The following BTN3A1 variants were observed in gnomAD, a reference collection of about 807,000 sequenced individuals.
BTN3A1 encodes dJ45P21.3 (butyrophilin, subfamily 3, member A1).
Under a neutral mutation model 43.0 loss-of-function variants are expected in BTN3A1, and 24 were observed. The ratio of observed to expected loss-of-function variants is 0.56; its 90% confidence interval spans 0.40 to 0.78. The LOEUF (loss-of-function observed/expected upper bound fraction) is 0.78. Ranked by LOEUF, BTN3A1 falls within the 30% of genes least tolerant of loss-of-function variation. The pLI is 0.00. For missense variants in BTN3A1, 533 were observed against 626.2 expected, an observed-to-expected ratio of 0.85 and a Z score of 1.59; for synonymous variants, 181 against 234.7, an observed-to-expected ratio of 0.77 and a Z score of 2.09.
At chr6:26,411,288 T>G (rs564535127) in intron 8 of BTN3A1, among the ~76,000 whole-genome samples, 153 bp downstream of exon 8, 76 of 152,252 alleles carry the variant, frequency 5.0e-4, no homozygotes, top group African/African-American at 1.7e-3. Flanking sequence ...GATTTCTGCT[T>G]TTCTGGAGAA....
rs1303418039 is a variant in BTN3A1 at position 26,413,804 on chromosome 6, T to G, written c.*112T>G. The G allele has an allele frequency of 6.3e-6, 10 of 1,592,940 alleles. No homozygotes were observed. In the South Asian group the frequency reaches 9.9e-5, roughly 16 times the overall value. On this transcript the variant is annotated 3_prime_UTR_variant, in exon 10 of 10. Transcript: ENST00000289361. Reference sequence around the variant, plus strand: ...GGGGAGCCTCAGGCTGAAGTAACTTTTCTCTGCTTCTCCCTGCCCAGCTCA... The same window carrying G: ...GGGGAGCCTCAGGCTGAAGTAACTTGTCTCTGCTTCTCCCTGCCCAGCTCA...
Position 26,405,646 on chromosome 6 carries a change from C to G in BTN3A1, c.83C>G (p.Ser28Ter), listed in dbSNP as rs769935296. The G allele has an allele frequency of 1.2e-6, 2 of 1,614,122 alleles. No individual in the cohort carries two copies. The highest frequency in any genetic ancestry group is 1.7e-6 in the Non-Finnish European group (2 of 1,179,984). Residue 28 changes from serine to a stop codon, truncating the protein, a stop_gained and splice_region_variant, in exon 2 of 10, where the codon TCA (serine) becomes TGA (stop). Transcript: ENST00000289361. LOFTEE classifies it high-confidence loss of function. ...LLLLQLLMPH[S>*]AQFSVLGPSG... Reference sequence around the variant, plus strand: ...TTGCTTCAGCTGCTCATGCCTCACTCAGGTAGGGAACAATTCCACGCTTGT... The same window carrying G: ...TTGCTTCAGCTGCTCATGCCTCACTGAGGTAGGGAACAATTCCACGCTTGT...
rs1297244230 is a variant in BTN3A1, at chr6:26,406,167, A to G, written c.344A>G (p.Asn115Ser). The change falls in exon 3 of 10, where the codon AAC becomes AGC. Residue 115 changes from asparagine (N) to serine (S), a missense_variant. Physicochemically the swap from Asn to Ser is conservative, Grantham distance 46. Coordinates refer to ENST00000289361, the MANE Select transcript of BTN3A1 (RefSeq NM_007048.6). ...TAGKAALRIH[N>S]VTASDSGKYL... is the part of the protein sequence containing the mutation. Reference sequence around the variant, plus strand: ...GGGAAGGCTGCTCTCCGAATACACAACGTCACAGCCTCTGACAGTGGAAAG... The same window carrying G: ...GGGAAGGCTGCTCTCCGAATACACAGCGTCACAGCCTCTGACAGTGGAAAG... The G allele has an allele frequency of 7.4e-6, 11 of 1,494,836 alleles. No homozygotes were observed. The highest frequency in any genetic ancestry group is 1.0e-5 in the Non-Finnish European group (11 of 1,092,528). The allele number at this position is 1,494,836 out of a possible 1,614,324, so 92.6% of individuals were successfully genotyped here.
In BTN3A1 at chr6:26,411,523, C is replaced by A. The variant is rs1211218344; in HGVS notation, c.992-32C>A. ...GTGGGGAAAAGTACAAGAATACTGA[C>A]CTTTTCCTTATCTGTGTCTCCTTCC... On this transcript the variant is annotated intron_variant, in intron 8 of 9. Transcript: ENST00000289361. 1.9e-6 allele frequency: 3 copies of A among 1,608,846 alleles called. No homozygotes were observed. The African/African-American group carries it at 4.0e-5, about 22-fold the overall frequency.
At position 26,408,020 on chromosome 6, in the gene BTN3A1, A is replaced by G. The variant is rs1195353894; in HGVS notation, c.715+68A>G. 10 of 1,586,748 alleles carry G rather than the reference A, an allele frequency of 6.3e-6. No homozygotes were observed. The African/African-American group carries it at 1.3e-4, about 21-fold the overall frequency. ...GCAGTTGAATGAAGGGGGAGGTGTT[A>G]GTGTCTGCAGTCAACCTGGGTCTCT... On this transcript the variant is annotated intron_variant, in intron 4 of 9. Coordinates refer to ENST00000289361, the MANE Select transcript of BTN3A1 (RefSeq NM_007048.6).
chr6:26,409,472 G>A (rs1370139253), intron 4 of BTN3A1, 61 bp from the exon 5 acceptor site: 12 of 1,507,696 alleles, frequency 8.0e-6, no homozygotes, highest in Non-Finnish European at 1.1e-5. Context: ...CACTTGGGGC[G>A]CTGCAGTCTG....
At position 26,406,124 on chromosome 6, in the gene BTN3A1, C is replaced by T. The variant is rs926171888; in HGVS notation, c.301C>T (p.Arg101Trp). ...APYRGRTSIL[R>W]DGITAGKAAL... The stretch of plus-strand genomic sequence containing the variant: ...GTATCGAGGGAGAACTTCGATTCTG[C>T]GGGATGGCATCACTGCAGGGAAGGC... Residue 101 changes from arginine (R) to tryptophan (W), a missense_variant, in exon 3 of 10, where the codon CGG (arginine) becomes TGG (tryptophan). Physicochemically the swap from Arg to Trp is moderately radical, Grantham distance 101. This residue lies in a region of BTN3A1 where 51 missense variants were observed against 90.9 expected (regional missense o/e 0.56). Transcript: ENST00000289361. 2.3e-5 allele frequency: 36 copies of T among 1,569,624 alleles called. 1 individual carries two copies. In the East Asian group the frequency reaches 3.1e-4, roughly 14 times the overall value.
At chr6:26,413,099 T>G in intron 9 of BTN3A1, 70 bp from the exon 10 acceptor site, 1 of 1,555,192 alleles carries the variant, frequency 6.4e-7, no homozygotes, top group Non-Finnish European at 8.7e-7. Flanking sequence ...GGCCCAGGCC[T>G]TGCATGCTGA....
intron 7 of BTN3A1, among the ~76,000 whole-genome samples, chr6:26,410,367 A>G (rs781580754): frequency 5.9e-5 from 9 of 152,156 alleles, no homozygotes; most frequent in Non-Finnish European, 1.3e-4. Flanking sequence ...CCTGCAAAGC[A>G]CTGAGGAATA....
At chr6:26,412,541 G>A (rs1294236857) in intron 9 of BTN3A1, 1 of 1,549,694 alleles carries the variant, frequency 6.5e-7, no homozygotes. Flanking sequence ...AGGGTGGAGA[G>A]TGAATCTAGG....
chr6:26,405,680 C>A (rs753542420), intron 2 of BTN3A1, 32 bp downstream of exon 2: 108 of 1,610,524 alleles, frequency 6.7e-5, no homozygotes, highest in Admixed American at 3.3e-5. Flanking sequence ...GTTTCTGAAG[C>A]AGACAATTAC....
At chr6:26,412,484 C>T (rs1160879890) in intron 9 of BTN3A1, 2 of 1,535,106 alleles carry the variant, frequency 1.3e-6, no homozygotes, top group African/African-American at 1.4e-5. Flanking sequence ...CAGGAATCTG[C>T]CCAGAGGACA....
intron 9 of BTN3A1, chr6:26,412,714 T>C: frequency 1.3e-6 from 2 of 1,551,424 alleles, no homozygotes; most frequent in Non-Finnish European, 1.7e-6. Flanking sequence ...GGTGAGGAAA[T>C]GCTTCAGATG....
chr6:26,405,244 T>G, intron 1 of BTN3A1, 128 bp from the exon 2 acceptor site: 5 of 394,532 alleles, frequency 1.3e-5, no homozygotes, highest in Non-Finnish European at 1.9e-5. Flanking sequence ...CAGAGGGGGA[T>G]TGTGGTGGGT....
Position 26,405,539 on chromosome 6 carries a change from C to A in BTN3A1, c.-25C>A. 1 of 1,610,238 alleles carries A rather than the reference C, an allele frequency of 6.2e-7. No individual in the cohort carries two copies. The highest frequency in any genetic ancestry group is 8.5e-7 in the Non-Finnish European group (1 of 1,176,518). On this transcript the variant is annotated 5_prime_UTR_variant, in exon 2 of 10. Transcript: ENST00000289361. ...GTCATAGTGTCTGCCCCCCACCTTC[C>A]AGTATCTCCTGATATGCAGCATGAA...
Position 26,413,519 on chromosome 6 carries a change from C to T in BTN3A1, c.1369C>T (p.Pro457Ser), listed in dbSNP as rs1399763366. Residue 457 changes from proline (P) to serine (S), a missense_variant, in exon 10 of 10, where the codon CCT (proline) becomes TCT (serine). Around this residue, in one of 4 missense-constraint regions of BTN3A1, gnomAD observed 415 missense variants for 427.0 expected, o/e 0.97. Transcript: ENST00000289361. ...AACCAACCTGAAACTTCCTAAGCCC[C>T]CTAAGAAAGTGGGGGTCTTCCTGGA... ...PRTNLKLPKP[P>S]KKVGVFLDYE... The T allele has an allele frequency of 1.9e-5, 30 of 1,614,000 alleles. No homozygotes were observed. The highest frequency in any genetic ancestry group is 2.2e-5 in the South Asian group (2 of 91,082).
In BTN3A1 at chr6:26,405,532, C is replaced by A. The variant is rs776692073; in HGVS notation, c.-32C>A. On this transcript the variant is annotated 5_prime_UTR_variant, in exon 2 of 10. Transcript: ENST00000289361. ...CTTCCAGGTCATAGTGTCTGCCCCC[C>A]ACCTTCCAGTATCTCCTGATATGCA... is the stretch of plus-strand genomic sequence containing the variant. 8 of 1,601,396 alleles carry A rather than the reference C, an allele frequency of 5.0e-6. No individual in the cohort carries two copies. In the East Asian group the frequency reaches 1.8e-4, roughly 36 times the overall value.
chr6:26,413,476 GACTCTA>G lies in BTN3A1; in HGVS notation c.1330_1335del (p.Leu444_Thr445del), dbSNP rs1474787630. 1 of 1,614,116 alleles carries G rather than the reference GACTCTA, an allele frequency of 6.2e-7. No homozygotes were observed. ...GGCTGACTGATGGGAATAAGTATCG[GACTCTA>G]ACTGAGCCCAGAACCAACCTGAAAC... On this transcript the variant is annotated inframe_deletion, in exon 10 of 10. Transcript: ENST00000289361.
At chr6:26,410,565 G>C (rs1762174282) in intron 7 of BTN3A1, among the ~76,000 whole-genome samples, 1 of 151,912 alleles carries the variant, frequency 6.6e-6, no homozygotes, top group South Asian at 2.1e-4. Context: ...AAAGTGGCCT[G>C]AACAGTCGCT....
Sources: gnomAD v4.1 joint callset for allele counts (sites outside exome capture counted in the v4.1 genomes callset) on GRCh38, gnomAD v4.1.1 for gene constraint, gnomAD v4.1.1 regional missense constraint, MANE v1.5 for transcripts, NCBI Gene and HGNC (gene_info 2026-07-23, HGNC 2026-07-21) for gene names.